CSMD2: variants seen among roughly 807,000 people sequenced by gnomAD.
CSMD2 encodes CUB and sushi domain-containing protein 2.
CSMD2 carries 130 observed loss-of-function variants against 398.5 expected under a neutral mutation model. The ratio of observed to expected loss-of-function variants is 0.33; its 90% CI spans 0.28 to 0.38. The LOEUF (loss-of-function observed/expected upper bound fraction) is 0.38. Among genes scored for constraint, CSMD2 ranks in the 10% least tolerant of loss-of-function variants. The pLI is 1.00. For synonymous variants in CSMD2, 1,828 were observed against 1,908.5 expected (o/e 0.96, Z 1.10); for missense variants, 3,829 against 4,764.9 (o/e 0.80, Z 5.78).
chr1:34,139,392 T>C (rs1052473446), intron 1 of CSMD2, among the ~76,000 whole-genome samples: 8 of 152,326 alleles, frequency 5.3e-5, no homozygotes, highest in South Asian at 2.1e-4. Flanking sequence ...CCTCACCAGA[T>C]GCAGCCCCTC....
At chr1:34,141,631 G>A (rs1012485880) in intron 1 of CSMD2, among the ~76,000 whole-genome samples, 1 of 152,136 alleles carries the variant, frequency 6.6e-6, no homozygotes, top group Non-Finnish European at 1.5e-5. Context: ...CCGGAGCAGA[G>A]TAAGCAGGAG....
intron 41 of CSMD2, among the ~76,000 whole-genome samples, chr1:33,606,381 G>A (rs1640611260): frequency 2.0e-5 from 3 of 152,200 alleles, no homozygotes; most frequent in South Asian, 2.1e-4. Context: ...TCAATAACGC[G>A]GATCTTGAAG....
intron 22 of CSMD2, among the ~76,000 whole-genome samples, chr1:33,704,784 C>T (rs186252583): frequency 1.9e-4 from 29 of 152,224 alleles, no homozygotes; most frequent in Admixed American, 4.6e-4. Context: ...TTTTTTGAGA[C>T]GGAGTCTCTC....
chr1:33,847,341 C>T (rs149128572), intron 5 of CSMD2, among the ~76,000 whole-genome samples: 9 of 151,744 alleles, frequency 5.9e-5, no homozygotes, highest in Admixed American at 3.3e-4. Flanking sequence ...TCACCTGTAA[C>T]GCTTTCTCCT....
At chr1:33,970,684 C>T (rs775085647) in intron 3 of CSMD2, among the ~76,000 whole-genome samples, 9 of 152,208 alleles carry the variant, frequency 5.9e-5, no homozygotes, top group African/African-American at 1.2e-4. Flanking sequence ...AGTCCAGGTG[C>T]GTGCAGGGAC....
At chr1:33,794,463 C>CAGGCAGAGGGAA (rs1654701857) in intron 10 of CSMD2, among the ~76,000 whole-genome samples, 1 of 152,270 alleles carries the variant, frequency 6.6e-6, no homozygotes, top group Admixed American at 6.5e-5. Flanking sequence ...GAAAGCAACC[C>CAGGCAGAGGGAA]AGGCAGAGGG....
chr1:33,743,809 C>G (rs1276223406), intron 13 of CSMD2, among the ~76,000 whole-genome samples: 1 of 152,176 alleles, frequency 6.6e-6, no homozygotes, highest in East Asian at 1.9e-4. Flanking sequence ...ATGGGTAGGG[C>G]CCCTTTGGCA....
Position 33,698,665 on chromosome 1 carries a change from G to A in CSMD2, c.3925+88C>T, listed in dbSNP as rs1338055222. 7 of 1,286,420 alleles carry A rather than the reference G, an allele frequency of 5.4e-6. No homozygotes were observed. In the African/African-American group the frequency reaches 5.9e-5, roughly 11 times the overall value. 79.7% of individuals were successfully genotyped at this position (1,286,420 alleles called of 1,614,324 possible). A position where few individuals can be genotyped will look rare whatever the true frequency, so the allele number is the denominator to read the frequency against. On this transcript the variant is annotated intron_variant, in intron 24 of 70. Transcript: ENST00000373381. The stretch of plus-strand genomic sequence containing the variant: ...AAGTTGATGGCCCCCAGGCCCTGGA[G>A]CATGGGGTCTAACTGGAATGAGACC...
intron 3 of CSMD2, among the ~76,000 whole-genome samples, chr1:33,939,467 G>A (rs1056889034): frequency 6.6e-6 from 1 of 152,184 alleles, no homozygotes; most frequent in South Asian, 2.1e-4. Context: ...GAGCCAACTA[G>A]GGGAAATGAG....
At chr1:33,737,870 C>T (rs1646934007) in intron 15 of CSMD2, among the ~76,000 whole-genome samples, 1 of 152,196 alleles carries the variant, frequency 6.6e-6, no homozygotes, top group Admixed American at 6.5e-5. Context: ...TGAGGACTTA[C>T]TTTATACCAG....
chr1:33,602,065 C>T (rs567052566), intron 43 of CSMD2, among the ~76,000 whole-genome samples: 34 of 152,286 alleles, frequency 2.2e-4, no homozygotes, highest in African/African-American at 7.2e-4. Flanking sequence ...CTGGAAATAC[C>T]GAGGAAAGTC....
intron 1 of CSMD2, among the ~76,000 whole-genome samples, chr1:34,135,107 G>T (rs912677700): frequency 1.3e-5 from 2 of 152,146 alleles, no homozygotes. Flanking sequence ...TGATGTACTC[G>T]AAAATGTAGC....
chr1:33,591,987 T>C (rs1221569585), intron 44 of CSMD2: 5 of 210,792 alleles, frequency 2.4e-5, no homozygotes, highest in African/African-American at 1.2e-4. Context: ...AGCAATATCT[T>C]CATGCACATA....
At chr1:33,865,177 T>C (rs1172032526) in intron 5 of CSMD2, among the ~76,000 whole-genome samples, 1 of 151,548 alleles carries the variant, frequency 6.6e-6, no homozygotes, top group African/African-American at 2.4e-5. Flanking sequence ...GAACATGACG[T>C]CTGACTCTGC....
intron 9 of CSMD2, among the ~76,000 whole-genome samples, chr1:33,817,908 A>G (rs1657657854): frequency 1.3e-5 from 2 of 152,210 alleles, no homozygotes; most frequent in Admixed American, 1.3e-4. Context: ...AGCCCAGCCC[A>G]ATGCTTAGTT....
At chr1:34,010,366 G>T (rs7549697) in intron 3 of CSMD2, among the ~76,000 whole-genome samples, 1 of 152,118 alleles carries the variant, frequency 6.6e-6, no homozygotes, top group South Asian at 2.1e-4. Flanking sequence ...TGGATTATAA[G>T]GATAATCCAT....
intron 5 of CSMD2, among the ~76,000 whole-genome samples, chr1:33,914,557 G>C (rs1227127228): frequency 6.6e-6 from 1 of 152,128 alleles, no homozygotes; most frequent in Non-Finnish European, 1.5e-5. Flanking sequence ...TAACTTTTAG[G>C]GGGAGTAAGT....
At chr1:33,701,708 G>A (rs921208450) in intron 22 of CSMD2, among the ~76,000 whole-genome samples, 1 of 152,240 alleles carries the variant, frequency 6.6e-6, no homozygotes, top group Admixed American at 6.5e-5. Flanking sequence ...AGATCCTTGT[G>A]TAATTGCTGT....
intron 22 of CSMD2, among the ~76,000 whole-genome samples, chr1:33,702,789 G>C (rs552020528): frequency 6.6e-6 from 1 of 151,964 alleles, no homozygotes; most frequent in African/African-American, 2.4e-5. Context: ...GGCACATAAG[G>C]CTCACTCAGT....
Sources: allele counts gnomAD v4.1 joint callset (sites outside exome capture counted in the v4.1 genomes callset), GRCh38; gene constraint gnomAD v4.1.1; transcripts MANE v1.5; gene names NCBI Gene and HGNC (gene_info 2026-07-23, HGNC 2026-07-21).